SGMS1: variants seen among roughly 807,000 people sequenced by gnomAD.
The protein encoded by SGMS1 is phosphatidylcholine:ceramide cholinephosphotransferase 1.
In SGMS1, 13 loss-of-function variants were observed where a neutral mutation model predicts 46.2. The ratio of observed to expected loss-of-function variants is 0.28; its 90% CI spans 0.18 to 0.45. The LOEUF (loss-of-function observed/expected upper bound fraction) is 0.45. Among genes scored for constraint, SGMS1 ranks in the 20% least tolerant of loss-of-function variants. The pLI is 1.00. For synonymous variants in SGMS1, 203 were observed against 187.8 expected, an observed-to-expected ratio of 1.08 and a Z score of -0.66; for missense variants, 324 against 519.9, an observed-to-expected ratio of 0.62 and a Z score of 3.66.
rs986401668 is a variant in SGMS1 at position 50,610,475 on chromosome 10, T to C, written c.-684+13232A>G. 3.9e-5 allele frequency among the ~76,000 whole-genome samples: 6 copies of C among 152,154 alleles called. No homozygotes were observed. The East Asian group carries it at 1.2e-3, about 29-fold the overall frequency. On this transcript the variant is annotated intron_variant, in intron 1 of 10. Transcript: ENST00000361781. Reference sequence around the variant, plus strand: ...AACCTGTGGGCCACACATAGGGCCTTGAAACGAATGAGCAAAATGAGGCTT... The same window carrying C: ...AACCTGTGGGCCACACATAGGGCCTCGAAACGAATGAGCAAAATGAGGCTT...
upstream of SGMS1, chr10:50,624,709 A>G (rs1838902842): frequency 1.0e-6 from 1 of 985,384 alleles, no homozygotes. Flanking sequence ...AAGTCGCCTG[A>G]AGGAAGGTTT....
At chr10:50,363,160 T>C (rs1303560976) in intron 6 of SGMS1, among the ~76,000 whole-genome samples, 1 of 152,032 alleles carries the variant, frequency 6.6e-6, no homozygotes, top group Non-Finnish European at 1.5e-5. Context: ...TCTGAAATGG[T>C]AGTAAAAAGA....
intron 3 of SGMS1, among the ~76,000 whole-genome samples, chr10:50,477,654 T>C (rs1837439461): frequency 6.6e-6 from 1 of 152,180 alleles, no homozygotes; most frequent in Non-Finnish European, 1.5e-5. Flanking sequence ...AGGTGGGGCC[T>C]GGTGGGAAGT....
At chr10:50,554,605 C>G (rs909788287) in intron 2 of SGMS1, among the ~76,000 whole-genome samples, 2 of 152,178 alleles carry the variant, frequency 1.3e-5, no homozygotes, top group African/African-American at 4.8e-5. Flanking sequence ...CAGGCTGCAG[C>G]CACCCAATGC....
intron 2 of SGMS1, among the ~76,000 whole-genome samples, chr10:50,579,385 T>C (rs1333615754): frequency 1.3e-5 from 2 of 151,646 alleles, no homozygotes; most frequent in Admixed American, 1.3e-4. Context: ...TCAAGAAAAT[T>C]TCTAAAAATG....
chr10:50,580,234 C>T (rs1259452726), intron 2 of SGMS1, among the ~76,000 whole-genome samples: 1 of 151,912 alleles, frequency 6.6e-6, no homozygotes, highest in Non-Finnish European at 1.5e-5. Flanking sequence ...CTTAAGTCCA[C>T]AAGAGGCCTT....
chr10:50,597,088 C>T (rs1158715832), intron 1 of SGMS1, among the ~76,000 whole-genome samples: 1 of 152,166 alleles, frequency 6.6e-6, no homozygotes, highest in Non-Finnish European at 1.5e-5. Context: ...TTGGCATATG[C>T]TGCGGTAGGT....
chr10:50,394,555 G>A (rs945312068), intron 6 of SGMS1, among the ~76,000 whole-genome samples: 2 of 152,186 alleles, frequency 1.3e-5, no homozygotes, highest in Admixed American at 6.5e-5. Flanking sequence ...TACAATGTGT[G>A]GTTTTGAAAT....
chr10:50,306,327 A>C lies in SGMS1; in HGVS notation c.*815T>G, dbSNP rs1589377859. The C allele has an allele frequency of 6.5e-6, 1 of 152,676 alleles. No individual in the cohort carries two copies. Among genetic ancestry groups the C allele is most frequent in the East Asian group, 1.9e-4 (1 of 5,196 alleles). 9.5% of individuals were successfully genotyped at this position (152,676 alleles called of 1,614,324 possible). A position where few individuals can be genotyped will look rare whatever the true frequency, so the allele number is the denominator to read the frequency against. Reference sequence around the variant, plus strand: ...AGTGTATACATATATTTATATTTTCAAGGAATACTTTATTTTAAATAAAAA... The same window carrying C: ...AGTGTATACATATATTTATATTTTCCAGGAATACTTTATTTTAAATAAAAA... On this transcript the variant is annotated 3_prime_UTR_variant, in exon 11 of 11. Transcript: ENST00000361781.
intron 3 of SGMS1, chr10:50,474,216 C>T (rs1171772732): frequency 6.6e-6 from 1 of 152,200 alleles, no homozygotes; most frequent in Non-Finnish European, 1.5e-5. Context: ...ATATCAAGAC[C>T]TACCACTGAC....
Position 50,363,693 on chromosome 10 carries a change from T to C in SGMS1, c.-231-19348A>G, listed in dbSNP as rs370635672. On this transcript the variant is annotated intron_variant, in intron 6 of 10. Transcript: ENST00000361781. ...ACCTTCTTAGGCACCCAGAATAACT[T>C]GCAGGTTAATGATCAGATGAATTTT... Among the ~76,000 whole-genome samples, 23 of 152,298 alleles carry C rather than the reference T, an allele frequency of 1.5e-4. No homozygotes were observed. The East Asian group carries it at 4.4e-3, about 29-fold the overall frequency.
intron 2 of SGMS1, among the ~76,000 whole-genome samples, chr10:50,544,323 A>C (rs1035526914): frequency 3.3e-5 from 5 of 152,200 alleles, no homozygotes; most frequent in Non-Finnish European, 7.4e-5. Flanking sequence ...GGAGGATATG[A>C]ACCTCTTACA....
intron 2 of SGMS1, among the ~76,000 whole-genome samples, chr10:50,569,714 A>C (rs1838321218): frequency 6.6e-6 from 1 of 152,112 alleles, no homozygotes; most frequent in Non-Finnish European, 1.5e-5. Context: ...TTTAAAGAAA[A>C]ACAAAGTTTT....
intron 6 of SGMS1, among the ~76,000 whole-genome samples, chr10:50,413,479 A>G (rs746452574): frequency 6.6e-6 from 1 of 152,258 alleles, no homozygotes; most frequent in Admixed American, 6.5e-5. Context: ...AATGTCAGAA[A>G]CAGAAATACA....
chr10:50,546,316 C>T (rs1838100332), intron 2 of SGMS1, among the ~76,000 whole-genome samples: 1 of 152,132 alleles, frequency 6.6e-6, no homozygotes, highest in South Asian at 2.1e-4. Context: ...AACAAAAGAC[C>T]CTGCTTAGGG....
chr10:50,623,177 G>A (rs1456019671), intron 1 of SGMS1, among the ~76,000 whole-genome samples: 1 of 152,108 alleles, frequency 6.6e-6, no homozygotes, highest in Non-Finnish European at 1.5e-5. Flanking sequence ...GCTACGGTGG[G>A]GGGATCCCGA....
At chr10:50,339,985 T>A (rs1302580851) in intron 7 of SGMS1, among the ~76,000 whole-genome samples, 2 of 152,126 alleles carry the variant, frequency 1.3e-5, no homozygotes. Flanking sequence ...AAAGAAGAAA[T>A]GGATCTAAAA....
chr10:50,348,157 C>CG (rs1195045586), intron 6 of SGMS1, among the ~76,000 whole-genome samples: 1 of 152,128 alleles, frequency 6.6e-6, no homozygotes, highest in African/African-American at 2.4e-5. Context: ...TGATGGGTTC[C>CG]AGCTTCACCC....
chr10:50,508,740 G>A (rs1431415522), intron 3 of SGMS1, among the ~76,000 whole-genome samples: 4 of 152,150 alleles, frequency 2.6e-5, no homozygotes, highest in Admixed American at 2.6e-4. Context: ...ATAAGAAGTT[G>A]TCGGTGAAGT....
Sources: allele counts gnomAD v4.1 joint callset (sites outside exome capture counted in the v4.1 genomes callset), GRCh38; gene constraint gnomAD v4.1.1; transcripts MANE v1.5; gene names NCBI Gene and HGNC (gene_info 2026-07-23, HGNC 2026-07-21).